The following GPR89B variants were observed in gnomAD, a reference collection of about 807,000 sequenced individuals.
The protein encoded by GPR89B is G protein-coupled receptor 89B.
GPR89B carries 25 observed loss-of-function variants against 52.4 expected under a neutral mutation model. The observed-to-expected ratio is 0.48, with a 90% CI of 0.35 to 0.67. GPR89B has a LOEUF of 0.67. Ranked by LOEUF, GPR89B falls within the 30% of genes least tolerant of loss-of-function variation. The pLI is 0.01. For missense variants in GPR89B, 146 were observed against 450.2 expected (o/e 0.32, Z 6.11); for synonymous variants, 52 against 151.2 (o/e 0.34, Z 4.81).
Position 147,970,549 on chromosome 1 carries a change from C to CTCTA in GPR89B, c.909+593_909+594insATCT, listed in dbSNP as rs1657382260. Reference sequence around the variant, plus strand: ...TCTCTCTCTCTATCTCTATCTCTCTCTCTCTATCTCTCTCTCTCTCTATAT... The same window carrying CTCTA: ...TCTCTCTCTCTATCTCTATCTCTCTCTCTATCTCTATCTCTCTCTCTCTCTATAT... On this transcript the variant is annotated intron_variant, in intron 10 of 13. Transcript: ENST00000314163. Among the ~76,000 whole-genome samples, 3 of 124,646 alleles carry CTCTA rather than the reference C, an allele frequency of 2.4e-5. No individual in the cohort carries two copies. The East Asian group carries it at 7.3e-4, about 30-fold the overall frequency. The allele number at this position is 124,646 out of a possible 152,430, so 81.8% of individuals were successfully genotyped here. A position where few individuals can be genotyped will look rare whatever the true frequency, so the allele number is the denominator to read the frequency against.
the GPR89B span, among the ~76,000 whole-genome samples, chr1:148,007,118 C>T: frequency 6.9e-6 from 1 of 144,608 alleles, no homozygotes; most frequent in Admixed American, 6.9e-5. Context: ...CTTTATCGCC[C>T]AGCCTGGAGT....
At chr1:147,983,211 A>G (rs1327584192) in intron 10 of GPR89B, among the ~76,000 whole-genome samples, 3 of 152,246 alleles carry the variant, frequency 2.0e-5, no homozygotes, top group African/African-American at 7.2e-5. Context: ...ACCTAAAACC[A>G]TAAAAACCCT....
the GPR89B span, among the ~76,000 whole-genome samples, chr1:148,017,175 G>A: frequency 6.6e-6 from 1 of 151,778 alleles, no homozygotes; most frequent in Non-Finnish European, 1.5e-5. Flanking sequence ...CAGAGTAGCT[G>A]GGACTACAGG....
intron 1 of GPR89B, among the ~76,000 whole-genome samples, chr1:147,932,658 T>A (rs587752657): frequency 1.3e-5 from 2 of 152,304 alleles, no homozygotes; most frequent in South Asian, 4.1e-4. Context: ...TCTCCTACTG[T>A]GAATACTTTC....
intron 1 of GPR89B, among the ~76,000 whole-genome samples, chr1:147,930,024 AAAGAT>A (rs587775269): frequency 1.1e-3 from 162 of 152,364 alleles, no homozygotes; most frequent in African/African-American, 3.8e-3. Context: ...CACTTAGAAT[AAAGAT>A]AAGAATGTCA....
At chr1:147,992,379 TG>T (rs1182695258) in intron 12 of GPR89B, 122 bp from the exon 13 acceptor site, 9 of 740,144 alleles carry the variant, frequency 1.2e-5, no homozygotes, top group Non-Finnish European at 2.2e-5. Context: ...TCATATGAAT[TG>T]TTCTATACAG....
At chr1:148,012,898 C>T in the GPR89B span, among the ~76,000 whole-genome samples, 3 of 152,116 alleles carry the variant, frequency 2.0e-5, no homozygotes, top group East Asian at 5.8e-4. Flanking sequence ...TGTAAGAATA[C>T]ACTCTGCAGC....
intron 7 of GPR89B, among the ~76,000 whole-genome samples, chr1:147,962,529 C>T (rs1656663220): frequency 6.6e-6 from 1 of 151,586 alleles, no homozygotes; most frequent in Non-Finnish European, 1.5e-5. Flanking sequence ...TAACCTTTCA[C>T]CAAATGGTGC....
intron 3 of GPR89B, among the ~76,000 whole-genome samples, chr1:147,940,214 T>A (rs587653458): frequency 6.7e-6 from 1 of 150,114 alleles, no homozygotes; most frequent in South Asian, 2.1e-4. Context: ...CCATCCTGGC[T>A]AACATGGTGA....
chr1:147,940,333 G>A (rs2149041243), intron 3 of GPR89B, among the ~76,000 whole-genome samples: 1 of 151,802 alleles, frequency 6.6e-6, no homozygotes, highest in African/African-American at 2.4e-5. Flanking sequence ...AACCCAGGAG[G>A]CAGAGCTTGC....
chr1:147,948,335 A>G (rs1201864531), intron 5 of GPR89B, among the ~76,000 whole-genome samples: 1 of 151,538 alleles, frequency 6.6e-6, no homozygotes. Context: ...CGTATAGTGT[A>G]TAGATTTTAT....
At chr1:148,020,997 CT>C in the GPR89B span, among the ~76,000 whole-genome samples, 12 of 150,968 alleles carry the variant, frequency 7.9e-5, no homozygotes, top group East Asian at 1.8e-3. Flanking sequence ...AGGAATTTAT[CT>C]AAGCCGAGAC....
Position 147,938,861 on chromosome 1 carries a change from A to G in GPR89B, c.206+44A>G, listed in dbSNP as rs587653056. On this transcript the variant is annotated intron_variant, in intron 3 of 13. Coordinates refer to ENST00000314163, the MANE Select transcript of GPR89B (RefSeq NM_016334.5). ...AACTCCTCTTGAAGAGTTCTGTGCT[A>G]CATTCTTTACAGTGGAAAAGCTATT... 106 of 1,515,970 alleles carry G rather than the reference A, an allele frequency of 7.0e-5. No individual in the cohort carries two copies. In the East Asian group the frequency reaches 2.4e-3, roughly 35 times the overall value. The allele number at this position is 1,515,970 out of a possible 1,614,324, so 93.9% of individuals were successfully genotyped here. A position where few individuals can be genotyped will look rare whatever the true frequency, so the allele number is the denominator to read the frequency against.
chr1:148,021,584 A>T, the GPR89B span, among the ~76,000 whole-genome samples: 2 of 151,340 alleles, frequency 1.3e-5, no homozygotes, highest in Non-Finnish European at 2.9e-5. Flanking sequence ...GTGAGGAGGA[A>T]CCCGAGTGCA....
Position 147,928,440 on chromosome 1 carries a change from T to A in GPR89B, c.-97T>A. The A allele has an allele frequency of 6.8e-7, 1 of 1,466,088 alleles. No homozygotes were observed. The highest frequency in any genetic ancestry group is 9.5e-7 in the Non-Finnish European group (1 of 1,056,200). 90.8% of individuals were successfully genotyped at this position (1,466,088 alleles called of 1,614,324 possible). A position where few individuals can be genotyped will look rare whatever the true frequency, so the allele number is the denominator to read the frequency against. Reference sequence around the variant, plus strand: ...GAGCCGCAGTCCCGGCTGCAGCACCTGGGAGAAGGCAGACCGTGTGAGGGG... The same window carrying A: ...GAGCCGCAGTCCCGGCTGCAGCACCAGGGAGAAGGCAGACCGTGTGAGGGG... On this transcript the variant is annotated 5_prime_UTR_variant, in exon 1 of 14. Coordinates refer to ENST00000314163, the MANE Select transcript of GPR89B (RefSeq NM_016334.5).
the GPR89B span, among the ~76,000 whole-genome samples, chr1:148,017,781 T>A: frequency 2.4e-4 from 17 of 70,588 alleles, 1 homozygote; most frequent in East Asian, 9.3e-4. Context: ...AAAATAAAGT[T>A]AACACCCCTC....
chr1:147,931,472 T>C (rs1653598873), intron 1 of GPR89B, among the ~76,000 whole-genome samples: 1 of 152,190 alleles, frequency 6.6e-6, no homozygotes, highest in East Asian at 1.9e-4. Flanking sequence ...CTATTTGAAA[T>C]TGCATTTTGC....
the GPR89B span, among the ~76,000 whole-genome samples, chr1:148,009,021 A>C: frequency 6.6e-6 from 1 of 152,164 alleles, no homozygotes; most frequent in South Asian, 2.1e-4. Context: ...TTTCACCCTA[A>C]GAGGGCTAGA....
chr1:148,013,770 AG>A, the GPR89B span, among the ~76,000 whole-genome samples: 1 of 151,874 alleles, frequency 6.6e-6, no homozygotes, highest in Non-Finnish European at 1.5e-5. Context: ...TGGGGTTAAG[AG>A]ACGTGCATCC....
Sources: allele counts gnomAD v4.1 joint callset (sites outside exome capture counted in the v4.1 genomes callset), GRCh38; gene constraint gnomAD v4.1.1; transcripts MANE v1.5; gene names NCBI Gene and HGNC (gene_info 2026-07-23, HGNC 2026-07-21).